Variants in FSTL4 observed in about 807,000 individuals in gnomAD.
The protein encoded by FSTL4 is follistatin like 4, also known as follistatin-related protein 4.
FSTL4 carries 28 observed loss-of-function variants against 78.2 expected under a neutral mutation model. The observed-to-expected ratio is 0.36, with a 90% CI of 0.27 to 0.49. The LOEUF is 0.49. Among genes scored for constraint, FSTL4 ranks in the 20% least tolerant of loss-of-function variants. The pLI is 0.98. For synonymous variants in FSTL4, 422 were observed against 440.5 expected (o/e 0.96, Z 0.53); for missense variants, 922 against 1,084.9 (o/e 0.85, Z 2.11).
intron 3 of FSTL4, among the ~76,000 whole-genome samples, chr5:133,437,485 G>GTTT (rs11401684): frequency 0.022 from 2,077 of 95,136 alleles, 82 homozygotes; most frequent in African/African-American, 0.033. Flanking sequence ...GTAAATAGGT[G>GTTT]TTTTTTTTTT....
rs1754506732 is a variant in FSTL4, at chr5:133,338,216, A to AC, written c.410-21565dup. Among the ~76,000 whole-genome samples, 1 of 150,688 alleles carries AC rather than the reference A, an allele frequency of 6.6e-6. No individual in the cohort carries two copies. Among genetic ancestry groups the AC allele is most frequent in the Non-Finnish European group, 1.5e-5 (1 of 67,646 alleles). ...TCACTCACTGGCCCTGGCCCTGATG[A>AC]CCCCCCGGGTGTGTGCCCCTATTCC... On this transcript the variant is annotated intron_variant, in intron 4 of 15. Transcript: ENST00000265342. The surrounding 1 kb of genome is among the most constrained non-coding windows in gnomAD (Gnocchi z 4.0).
At chr5:133,725,336 T>C in the FSTL4 span, among the ~76,000 whole-genome samples, 6 of 152,168 alleles carry the variant, frequency 3.9e-5, no homozygotes, top group Non-Finnish European at 7.4e-5. Flanking sequence ...TAGATGCAAG[T>C]TGGAGGTTGG....
the FSTL4 span, among the ~76,000 whole-genome samples, chr5:133,758,004 C>T: frequency 6.6e-6 from 1 of 152,202 alleles, no homozygotes; most frequent in African/African-American, 2.4e-5. Flanking sequence ...ACTCTTAATA[C>T]ACAGTTTGGT....
intron 6 of FSTL4, among the ~76,000 whole-genome samples, chr5:133,309,809 T>C (rs1321417849): frequency 1.3e-5 from 2 of 152,166 alleles, no homozygotes; most frequent in African/African-American, 4.8e-5. Flanking sequence ...CCCACAGACC[T>C]CACCCTGCCT....
At chr5:133,791,594 AGCCCATCAGG>A in the FSTL4 span, among the ~76,000 whole-genome samples, 11 of 152,188 alleles carry the variant, frequency 7.2e-5, no homozygotes, top group Admixed American at 7.2e-4. Flanking sequence ...GCATCTTCCA[AGCCCATCAGG>A]GCTCAGTGTT....
chr5:133,260,813 T>C (rs548658780), intron 6 of FSTL4, among the ~76,000 whole-genome samples: 1 of 152,184 alleles, frequency 6.6e-6, no homozygotes, highest in East Asian at 1.9e-4. Flanking sequence ...ATGGCCTGAT[T>C]TGGACTTTGG....
In FSTL4 at chr5:133,347,856, A is replaced by C. The variant is rs577735117; in HGVS notation, c.410-31204T>G. 7.2e-5 allele frequency among the ~76,000 whole-genome samples: 11 copies of C among 152,356 alleles called. No individual in the cohort carries two copies. In the South Asian group the frequency reaches 2.3e-3, roughly 32 times the overall value. The stretch of plus-strand genomic sequence containing the variant: ...TTTATTTAATTCCATAAATAGACCT[A>C]GTTTCCACTTTAGAGATGAGGAAAC... On this transcript the variant is annotated intron_variant, in intron 4 of 15. Transcript: ENST00000265342.
Position 133,209,027 on chromosome 5 carries a change from T to C in FSTL4, c.1716+1164A>G, listed in dbSNP as rs1398671331. Among the ~76,000 whole-genome samples the C allele has an allele frequency of 3.9e-5, 6 of 152,228 alleles. No homozygotes were observed. The South Asian group carries it at 1.0e-3, about 26-fold the overall frequency. On this transcript the variant is annotated intron_variant, in intron 14 of 15. Transcript: ENST00000265342. ...GAAATCTTTTTTGTTCTTTTTCTAG[T>C]GGCCCCTCCTCTTGAATTTTCTGAA...
chr5:133,786,118 G>A, the FSTL4 span, among the ~76,000 whole-genome samples: 1 of 152,240 alleles, frequency 6.6e-6, no homozygotes, highest in South Asian at 2.1e-4. Context: ...CAGAGCCTCC[G>A]TGATTCTTCC....
chr5:133,540,720 C>CAAA (rs79162509), intron 3 of FSTL4, among the ~76,000 whole-genome samples: 31 of 70,234 alleles, frequency 4.4e-4, no homozygotes, highest in South Asian at 6.1e-4. Context: ...TTAACATAGG[C>CAAA]AAAAAAAAAA....
chr5:133,715,537 C>T, the FSTL4 span, among the ~76,000 whole-genome samples: 1 of 152,160 alleles, frequency 6.6e-6, no homozygotes, highest in Non-Finnish European at 1.5e-5. Context: ...AGTGATTAAG[C>T]CTTTTGTTCA....
the FSTL4 span, among the ~76,000 whole-genome samples, chr5:133,792,480 C>T: frequency 6.6e-6 from 1 of 152,202 alleles, no homozygotes; most frequent in Non-Finnish European, 1.5e-5. Flanking sequence ...GGTGACACAC[C>T]ACCCATGACA....
intron 6 of FSTL4, among the ~76,000 whole-genome samples, chr5:133,265,916 C>A (rs950733425): frequency 1.3e-5 from 2 of 152,152 alleles, no homozygotes; most frequent in African/African-American, 4.8e-5. Context: ...TGGGACTTCA[C>A]AGCCTACCAC....
At chr5:133,223,447 G>T (rs757208771) in intron 11 of FSTL4, among the ~76,000 whole-genome samples, 1 of 152,142 alleles carries the variant, frequency 6.6e-6, no homozygotes, top group African/African-American at 2.4e-5. Context: ...CAATCACATG[G>T]TACCTCCTGC....
At chr5:133,839,077 C>T in the FSTL4 span, among the ~76,000 whole-genome samples, 2 of 152,234 alleles carry the variant, frequency 1.3e-5, no homozygotes, top group East Asian at 3.9e-4. Context: ...TGAGAAAAGA[C>T]TGCCGTGACT....
chr5:133,279,104 T>C (rs1228810838), intron 6 of FSTL4, among the ~76,000 whole-genome samples: 1 of 152,260 alleles, frequency 6.6e-6, no homozygotes, highest in East Asian at 1.9e-4. Context: ...TATAGAGAAG[T>C]TCTTTAGAAC....
the FSTL4 span, among the ~76,000 whole-genome samples, chr5:133,725,739 G>T: frequency 6.6e-6 from 1 of 152,142 alleles, no homozygotes; most frequent in African/African-American, 2.4e-5. Context: ...TTTGAAAGAG[G>T]GTGGGGTGTG....
chr5:133,791,916 C>T, the FSTL4 span, among the ~76,000 whole-genome samples: 1 of 152,218 alleles, frequency 6.6e-6, no homozygotes, highest in Admixed American at 6.5e-5. Context: ...CATTTTGCTC[C>T]TCTCAATCTC....
the FSTL4 span, among the ~76,000 whole-genome samples, chr5:133,632,119 A>C: frequency 6.6e-6 from 1 of 152,226 alleles, no homozygotes; most frequent in Non-Finnish European, 1.5e-5. Flanking sequence ...TACGTTCTGC[A>C]CATGTATCCC....
Sources: gnomAD v4.1 joint callset for allele counts (sites outside exome capture counted in the v4.1 genomes callset) on GRCh38, gnomAD v4.1.1 for gene constraint, Gnocchi (gnomAD v3.1) non-coding constraint, MANE v1.5 for transcripts, NCBI Gene and HGNC (gene_info 2026-07-23, HGNC 2026-07-21) for gene names.